Variants in CORIN observed in about 807,000 individuals in gnomAD.
The protein encoded by CORIN is atrial natriuretic peptide-converting enzyme.
Under a neutral mutation model 125.3 loss-of-function variants are expected in CORIN, and 117 were observed. The ratio of observed to expected loss-of-function variants is 0.93; its 90% CI spans 0.80 to 1.09. CORIN has a LOEUF of 1.09. Ranked by LOEUF, CORIN falls within the 50% of genes least tolerant of loss-of-function variation. The pLI is 0.00. For missense variants in CORIN, 1,253 were observed against 1,306.7 expected (o/e 0.96, Z 0.63); for synonymous variants, 450 against 466.4 (o/e 0.96, Z 0.45).
At chr4:47,805,190 TA>T (rs201041062) in intron 2 of CORIN, among the ~76,000 whole-genome samples, 2,036 of 150,032 alleles carry the variant, frequency 0.014, 45 homozygotes, top group African/African-American at 0.044. Flanking sequence ...AATTGGATTA[TA>T]AAAAAAATAG....
chr4:47,758,384 T>A lies in CORIN; in HGVS notation c.617+4995A>T, dbSNP rs551865184. 1.1e-4 allele frequency among the ~76,000 whole-genome samples: 16 copies of A among 152,312 alleles called. 1 individual carries two copies. The highest frequency in any genetic ancestry group is 3.4e-4 in the African/African-American group (14 of 41,560). ...ATGTTCATGGTTGGAAGAATTCATA[T>A]TTTCAATGTGTCCGTACTACCCAAA... On this transcript the variant is annotated intron_variant, in intron 4 of 21. Transcript: ENST00000273857.
intron 5 of CORIN, among the ~76,000 whole-genome samples, chr4:47,698,827 C>G (rs1283428477): frequency 6.6e-6 from 1 of 152,102 alleles, no homozygotes; most frequent in East Asian, 1.9e-4. Context: ...ATTACAATAC[C>G]AAATTTTTAC....
chr4:47,812,828 A>G (rs999344865), intron 1 of CORIN, among the ~76,000 whole-genome samples: 2 of 152,262 alleles, frequency 1.3e-5, no homozygotes, highest in Admixed American at 6.5e-5. Context: ...TGAATAAATG[A>G]ATTAATTAAA....
intron 5 of CORIN, among the ~76,000 whole-genome samples, chr4:47,705,706 C>T (rs1451641607): frequency 1.3e-5 from 2 of 152,128 alleles, no homozygotes; most frequent in Non-Finnish European, 2.9e-5. Flanking sequence ...TCTCAAAATG[C>T]TTTCCAGATT....
In CORIN at chr4:47,609,193, C is replaced by A. The variant is rs181907437; in HGVS notation, c.2541-5525G>T. Among the ~76,000 whole-genome samples, 370 of 152,150 alleles carry A rather than the reference C, an allele frequency of 2.4e-3. 2 individuals carry two copies. Among genetic ancestry groups the A allele is most frequent in the Admixed American group, 7.8e-3 (119 of 15,270 alleles). On this transcript the variant is annotated intron_variant, in intron 19 of 21. Transcript: ENST00000273857. The stretch of plus-strand genomic sequence containing the variant: ...TTGCTGTTCTACAAATCTTAGGAAT[C>A]TCTTACTTTTAATATTGTGCTCTGT...
At chr4:47,719,454 G>GC (rs1374828892) in intron 5 of CORIN, among the ~76,000 whole-genome samples, 1 of 152,140 alleles carries the variant, frequency 6.6e-6, no homozygotes, top group Admixed American at 6.5e-5. Flanking sequence ...GCTTTAAGCT[G>GC]CATTCTCACA....
intron 4 of CORIN, among the ~76,000 whole-genome samples, chr4:47,744,804 T>C (rs1404529721): frequency 1.3e-5 from 2 of 152,212 alleles, no homozygotes; most frequent in East Asian, 3.8e-4. Context: ...CATCTAACTA[T>C]TTCTTGTAGG....
intron 3 of CORIN, among the ~76,000 whole-genome samples, chr4:47,775,358 T>TCC (rs1235254545): frequency 1.3e-5 from 2 of 152,120 alleles, no homozygotes; most frequent in Non-Finnish European, 2.9e-5. Flanking sequence ...CCTAATGCTA[T>TCC]CTCTCCCCCC....
At position 47,686,238 on chromosome 4, in the gene CORIN, A is replaced by C. The variant is rs151027808; in HGVS notation, c.914-2400T>G. 1.6e-3 allele frequency among the ~76,000 whole-genome samples: 241 copies of C among 152,084 alleles called. 3 individuals are homozygous for C. Among genetic ancestry groups the C allele is most frequent in the African/African-American group, 5.5e-3 (229 of 41,470 alleles). On this transcript the variant is annotated intron_variant, in intron 6 of 21. Transcript: ENST00000273857. ...TTTTAGGAATGGAATGGGCCTTAGA[A>C]ATCACCTGTTCAGTGTCTTCATTAG... is the stretch of plus-strand genomic sequence containing the variant.
At chr4:47,676,348 T>C (rs751611735) in intron 9 of CORIN, among the ~76,000 whole-genome samples, 1 of 152,186 alleles carries the variant, frequency 6.6e-6, no homozygotes, top group Admixed American at 6.5e-5. Context: ...TGTGTCTCAA[T>C]TGCTTTTTCA....
chr4:47,707,622 G>T (rs1726636617), intron 5 of CORIN, among the ~76,000 whole-genome samples: 1 of 152,238 alleles, frequency 6.6e-6, no homozygotes, highest in Non-Finnish European at 1.5e-5. Flanking sequence ...GCCATTATCA[G>T]TGATTAATAC....
intron 16 of CORIN, among the ~76,000 whole-genome samples, chr4:47,632,722 AGAT>A (rs1553905876): frequency 0.17 from 18,642 of 110,492 alleles, 1,271 homozygotes; most frequent in Admixed American, 0.23. Context: ...AACTGACAAT[AGAT>A]GATAGATAGA....
At chr4:47,692,670 A>G (rs534376294) in intron 6 of CORIN, among the ~76,000 whole-genome samples, 13 of 152,198 alleles carry the variant, frequency 8.5e-5, no homozygotes, top group Non-Finnish European at 1.8e-4. Context: ...TTATACTCAT[A>G]AACAAAAATG....
At chr4:47,630,606 G>A (rs1722767090) in intron 16 of CORIN, among the ~76,000 whole-genome samples, 1 of 152,200 alleles carries the variant, frequency 6.6e-6, no homozygotes, top group Non-Finnish European at 1.5e-5. Flanking sequence ...GCTAGGGCAA[G>A]AGTACCAGTG....
chr4:47,600,370 T>C (rs758758534), intron 20 of CORIN, 23 bp from the exon 21 acceptor site: 8 of 1,575,328 alleles, frequency 5.1e-6, no homozygotes, highest in Non-Finnish European at 6.9e-6. Flanking sequence ...AAAATAAGAA[T>C]ATATATATGA....
At chr4:47,628,268 T>C (rs992345570) in intron 16 of CORIN, among the ~76,000 whole-genome samples, 5 of 152,154 alleles carry the variant, frequency 3.3e-5, no homozygotes, top group African/African-American at 1.2e-4. Context: ...AATCTGAGCA[T>C]CTCCATAACT....
chr4:47,681,687 C>T (rs946759711), intron 7 of CORIN: 2 of 152,152 alleles, frequency 1.3e-5, no homozygotes, highest in African/African-American at 2.4e-5. Flanking sequence ...AGGATATAAC[C>T]CACATCTAAA....
chr4:47,817,309 T>A (rs1577948889), intron 1 of CORIN, among the ~76,000 whole-genome samples: 1 of 137,310 alleles, frequency 7.3e-6, no homozygotes, highest in African/African-American at 2.7e-5. Context: ...TATATATATA[T>A]AATATATAAC....
chr4:47,697,160 A>T (rs112982737), intron 5 of CORIN, among the ~76,000 whole-genome samples: 3 of 152,294 alleles, frequency 2.0e-5, no homozygotes, highest in African/African-American at 7.2e-5. Flanking sequence ...GACTGAGTGT[A>T]ATCTTTCAGC....
Sources: allele counts gnomAD v4.1 joint callset (sites outside exome capture counted in the v4.1 genomes callset), GRCh38; gene constraint gnomAD v4.1.1; transcripts MANE v1.5; gene names NCBI Gene and HGNC (gene_info 2026-07-23, HGNC 2026-07-21).